The following HAGHL variants were observed in gnomAD, a reference collection of about 807,000 sequenced individuals.
The protein encoded by HAGHL is hydroxyacylglutathione hydrolase-like protein.
A neutral mutation model predicts 29.2 loss-of-function variants in HAGHL; 27 were observed. The observed-to-expected ratio is 0.92, with a 90% CI of 0.68 to 1.27. HAGHL has a LOEUF of 1.27. Ranked by LOEUF, HAGHL falls within the 50% of genes most tolerant of loss-of-function variation. The probability of loss-of-function intolerance (pLI) is 0.00; values close to 1 mark genes in which losing one functional copy is unlikely to be tolerated. For synonymous variants in HAGHL, 223 were observed against 185.7 expected, an observed-to-expected ratio of 1.20 and a Z score of -1.63; for missense variants, 529 against 405.5, an observed-to-expected ratio of 1.30 and a Z score of -2.62.
chr16:729,146 C>G (rs758103409), intron 7 of HAGHL, 58 bp downstream of exon 7: 3 of 1,594,950 alleles, frequency 1.9e-6, no homozygotes, highest in Non-Finnish European at 8.5e-7. Context: ...AGGAAGGCAT[C>G]TGGGGACTGC....
chr16:729,233 G>A, intron 7 of HAGHL, 55 bp from the exon 8 acceptor site: 2 of 1,541,322 alleles, frequency 1.3e-6, no homozygotes, highest in Non-Finnish European at 1.7e-6. Flanking sequence ...ACCCCTCGGC[G>A]CCATGCTCCC....
Position 727,575 on chromosome 16 carries a change from G to A in HAGHL, c.66G>A (p.Thr22=). ...TGTACCTGGTCATCGAGGAGCTCAC[G>A]CGCGAGGCGGTGGCCGTGGACGTGG... ...NYMYLVIEEL[T]REAVAVDVAV... Residue 22 remains threonine, a synonymous_variant, in exon 1 of 8, where the codon ACG becomes ACA. Coordinates refer to ENST00000389703, the MANE Select transcript of HAGHL (RefSeq NM_032304.4). The A allele has an allele frequency of 1.2e-6, 2 of 1,611,832 alleles. No individual in the cohort carries two copies. The highest frequency in any genetic ancestry group is 1.7e-6 in the Non-Finnish European group (2 of 1,179,410).
rs151215719 is a variant in HAGHL at position 729,638 on chromosome 16, G to A, written c.*182G>A. 321 of 1,519,528 alleles carry A rather than the reference G, an allele frequency of 2.1e-4. 3 individuals are homozygous for A. In the East Asian group the frequency reaches 7.7e-3, roughly 37 times the overall value. The allele number at this position is 1,519,528 out of a possible 1,614,324, so 94.1% of individuals were successfully genotyped here. ...CACACAGGACCACTCAGTGGGGCCT[G>A]TGTGGGCGCCGAGACCTGGGTGTCT... On this transcript the variant is annotated 3_prime_UTR_variant, in exon 8 of 8. Coordinates refer to ENST00000389703, the MANE Select transcript of HAGHL (RefSeq NM_032304.4).
chr16:728,612 G>A lies in HAGHL; in HGVS notation c.498+8G>A. 1.4e-6 allele frequency: 2 copies of A among 1,461,942 alleles called. No individual in the cohort carries two copies. The highest frequency in any genetic ancestry group is 1.3e-5 in the South Asian group (1 of 77,148). 90.6% of individuals were successfully genotyped at this position (1,461,942 alleles called of 1,614,324 possible). On this transcript the variant is annotated splice_region_variant and intron_variant, in intron 5 of 7. Transcript: ENST00000389703. ...ACCCTGCCCCCCGAGACGGTGAGCGGGCCTGGGCCCTCCCCTCTTCTCCCG... is the reference window on the plus strand; with the variant it reads ...ACCCTGCCCCCCGAGACGGTGAGCGAGCCTGGGCCCTCCCCTCTTCTCCCG...
In HAGHL at chr16:727,215, C is replaced by T. The variant is rs2041024819; in HGVS notation, c.-295C>T. 3.4e-6 allele frequency: 1 copy of T among 293,704 alleles called. No homozygotes were observed. 18.2% of individuals were successfully genotyped at this position (293,704 alleles called of 1,614,324 possible). A position where few individuals can be genotyped will look rare whatever the true frequency, so the allele number is the denominator to read the frequency against. On this transcript the variant is annotated 5_prime_UTR_variant, in exon 1 of 8. Transcript: ENST00000389703. ...GGCGGCAGGGCGGGGGGCCGAGGGG[C>T]GGGGCCTGGGAGGAAGGCGTGGCCT...
At chr16:727,648 C>A in intron 1 of HAGHL, 34 bp downstream of exon 1, 1 of 1,442,394 alleles carries the variant, frequency 6.9e-7, no homozygotes. Flanking sequence ...GGGACCCGGC[C>A]GTGTCCCCCG....
At position 728,584 on chromosome 16, in the gene HAGHL, G is replaced by T; in HGVS notation, c.478G>T (p.Gly160Cys). 1 of 1,514,126 alleles carries T rather than the reference G, an allele frequency of 6.6e-7. No homozygotes were observed. 93.8% of individuals were successfully genotyped at this position (1,514,126 alleles called of 1,614,324 possible). A position where few individuals can be genotyped will look rare whatever the true frequency, so the allele number is the denominator to read the frequency against. ...QQMYQSLAELGTLPPETKVFC... is the reference protein window; with the variant it reads ...QQMYQSLAELCTLPPETKVFC... ...GATGTACCAGAGCCTGGCCGAGCTGGGTACCCTGCCCCCCGAGACGGTGAG... is the reference window on the plus strand; with the variant it reads ...GATGTACCAGAGCCTGGCCGAGCTGTGTACCCTGCCCCCCGAGACGGTGAG... Residue 160 changes from glycine (G) to cysteine (C), a missense_variant, in exon 5 of 8, where the codon GGT (glycine) becomes TGT (cysteine). Transcript: ENST00000389703.
chr16:728,722 G>A, intron 5 of HAGHL, 72 bp from the exon 6 acceptor site: 2 of 1,455,030 alleles, frequency 1.4e-6, no homozygotes, highest in South Asian at 1.2e-5. Context: ...GGCAGGGGAG[G>A]CCAGGCCCCC....
chr16:727,436 G>T lies in HAGHL; in HGVS notation c.-74G>T. ...GCCCTTCCTAGGGTGTGGAGAGCGG[G>T]CCCCGCCCTGAAGGGGCACCGTGGG... On this transcript the variant is annotated 5_prime_UTR_variant, in exon 1 of 8. Coordinates refer to ENST00000389703, the MANE Select transcript of HAGHL (RefSeq NM_032304.4). The T allele has an allele frequency of 2.3e-6, 2 of 854,738 alleles. No individual in the cohort carries two copies. The highest frequency in any genetic ancestry group is 3.0e-5 in the South Asian group (2 of 66,338). The allele number at this position is 854,738 out of a possible 1,614,324, so 52.9% of individuals were successfully genotyped here.
chr16:729,363 G>A lies in HAGHL; in HGVS notation c.756G>A (p.Ala252=), dbSNP rs767064681. 35 of 1,532,212 alleles carry A rather than the reference G, an allele frequency of 2.3e-5. No individual in the cohort carries two copies. The highest frequency in any genetic ancestry group is 2.9e-5 in the Non-Finnish European group (33 of 1,141,464). The allele number at this position is 1,532,212 out of a possible 1,614,324, so 94.9% of individuals were successfully genotyped here. A position where few individuals can be genotyped will look rare whatever the true frequency, so the allele number is the denominator to read the frequency against. ...TGGAGGCGCTATGCAAGGAGCGGGC[G>A]CGCTTCGAACAGGCGGGCGAGCCGC... ...DVLEALCKER[A]RFEQAGEPRQ... The change falls in exon 8 of 8, where the codon GCG becomes GCA. Residue 252 remains alanine (A), a synonymous_variant. Transcript: ENST00000389703.
Position 727,520 on chromosome 16 carries a change from A to G in HAGHL, c.11A>G (p.Lys4Arg), listed in dbSNP as rs2041055913. The G allele has an allele frequency of 1.9e-6, 3 of 1,604,866 alleles. No individual in the cohort carries two copies. The highest frequency in any genetic ancestry group is 2.6e-6 in the Non-Finnish European group (3 of 1,173,982). Residue 4 changes from lysine to arginine, a missense_variant, in exon 1 of 8, where the codon AAG (lysine) becomes AGG (arginine). Coordinates refer to ENST00000389703, the MANE Select transcript of HAGHL (RefSeq NM_032304.4). ...CCGAGCTCCGTGACCATGAAGGTCA[A>G]GGTCATCCCCGTGCTCGAGGACAAC... The part of the protein sequence containing the change: MKV[K>R]VIPVLEDNYM...
intron 5 of HAGHL, 72 bp from the exon 6 acceptor site, chr16:728,722 G>C (rs2041195785): frequency 6.9e-7 from 1 of 1,455,032 alleles, no homozygotes; most frequent in East Asian, 2.3e-5. Context: ...GGCAGGGGAG[G>C]CCAGGCCCCC....
chr16:727,861 C>T, intron 1 of HAGHL, 104 bp from the exon 2 acceptor site: 1 of 1,268,022 alleles, frequency 7.9e-7, no homozygotes, highest in East Asian at 2.6e-5. Flanking sequence ...CCCGGCGCTC[C>T]CCGGGGCTCT....
rs748156766 is a variant in HAGHL at position 728,880 on chromosome 16, G to A, written c.585G>A (p.Lys195=). ...CCTGCAACGACCACGTGAGAGCCAA[G>A]CTGTCCTGGGCTAAGGCACGGCCCC... ...VEPCNDHVRA[K]LSWAKKRDED... The change falls in exon 6 of 8, where the codon AAG becomes AAA. Residue 195 remains lysine (K), a synonymous_variant. Transcript: ENST00000389703. 6 of 1,599,944 alleles carry A rather than the reference G, an allele frequency of 3.8e-6. No individual in the cohort carries two copies. Among genetic ancestry groups the A allele is most frequent in the Non-Finnish European group, 8.5e-7 (1 of 1,173,270 alleles).
rs960939981 is a variant in HAGHL, at chr16:729,348, A to C, written c.741A>C (p.Leu247=). The C allele has an allele frequency of 6.5e-7, 1 of 1,534,136 alleles. No individual in the cohort carries two copies. The highest frequency in any genetic ancestry group is 1.2e-5 in the South Asian group (1 of 82,832). ...KAVPADVLEA[L]CKERARFEQA... is the part of the protein sequence containing the mutation. ...TCCCCGCCGACGTCCTGGAGGCGCT[A>C]TGCAAGGAGCGGGCGCGCTTCGAAC... The change falls in exon 8 of 8, where the codon CTA becomes CTC. Residue 247 remains leucine (L), a synonymous_variant. Transcript: ENST00000389703.
intron 5 of HAGHL, 33 bp from the exon 6 acceptor site, chr16:728,761 C>G (rs1264390534): frequency 1.9e-6 from 3 of 1,599,170 alleles, no homozygotes; most frequent in Non-Finnish European, 1.7e-6. Flanking sequence ...GCTTCCTGGC[C>G]GCGTGCGCGC....
At position 728,165 on chromosome 16, in the gene HAGHL, G is replaced by C; in HGVS notation, c.220G>C (p.Ala74Pro). 6.8e-7 allele frequency: 1 copy of C among 1,463,726 alleles called. No homozygotes were observed. The highest frequency in any genetic ancestry group is 9.0e-7 in the Non-Finnish European group (1 of 1,117,022). 90.7% of individuals were successfully genotyped at this position (1,463,726 alleles called of 1,614,324 possible). A position where few individuals can be genotyped will look rare whatever the true frequency, so the allele number is the denominator to read the frequency against. ...PELARLRPGL[A>P]VLGADERIFS... ...GCTGGCGCGGCTTCGTCCCGGGCTG[G>C]CGGTGCTGGGCGCGGACGAGCGCAT... is the stretch of plus-strand genomic sequence containing the variant. Residue 74 changes from alanine to proline, a missense_variant, in exon 3 of 8, where the codon GCG becomes CCG. Ala to Pro is a conservative substitution (Grantham distance 27). Transcript: ENST00000389703.
chr16:729,112 G>T, intron 7 of HAGHL, 24 bp downstream of exon 7: 1 of 1,605,638 alleles, frequency 6.2e-7, no homozygotes. Context: ...TTGTCCCGGG[G>T]CCTCCACCGT....
At position 727,260 on chromosome 16, in the gene HAGHL, C is replaced by A. The variant is rs2041029242; in HGVS notation, c.-250C>A. ...TGGCCTTTGGGGACTGGGGCTCGGA[C>A]TGGGGGCGGAGCCGGGGCTGGTTGG... On this transcript the variant is annotated 5_prime_UTR_variant, in exon 1 of 8. The change creates a new upstream start codon in the 5' untranslated region. Transcript: ENST00000389703. 4.6e-6 allele frequency: 2 copies of A among 431,278 alleles called. No homozygotes were observed. Among genetic ancestry groups the A allele is most frequent in the Non-Finnish European group, 8.3e-6 (2 of 240,548 alleles). The allele number at this position is 431,278 out of a possible 1,614,324, so 26.7% of individuals were successfully genotyped here. A position where few individuals can be genotyped will look rare whatever the true frequency, so the allele number is the denominator to read the frequency against.
Sources: allele counts gnomAD v4.1 joint callset, GRCh38; gene constraint gnomAD v4.1.1; transcripts MANE v1.5; gene names NCBI Gene and HGNC (gene_info 2026-07-23, HGNC 2026-07-21).